SPOCK3: variants seen among roughly 807,000 people sequenced by gnomAD.
SPOCK3 encodes SPARC (osteonectin), cwcv and kazal like domains proteoglycan 3.
SPOCK3 carries 30 observed loss-of-function variants against 56.6 expected under a neutral mutation model. The ratio of observed to expected loss-of-function variants is 0.53; its 90% CI spans 0.40 to 0.72. The LOEUF is 0.72. Ranked by LOEUF, SPOCK3 falls within the 30% of genes least tolerant of loss-of-function variation. SPOCK3 has a pLI of 0.00. For synonymous variants in SPOCK3, 196 were observed against 183.3 expected (o/e 1.07, Z -0.56); for missense variants, 527 against 530.0 (o/e 0.99, Z 0.06).
chr4:166,981,484 C>G (rs1018137264), intron 4 of SPOCK3, among the ~76,000 whole-genome samples: 2 of 151,864 alleles, frequency 1.3e-5, no homozygotes, highest in Non-Finnish European at 2.9e-5. Flanking sequence ...AGAGACTCTA[C>G]GTGGGTAGCT....
chr4:166,934,422 C>T (rs1323752451), intron 4 of SPOCK3, among the ~76,000 whole-genome samples: 1 of 151,742 alleles, frequency 6.6e-6, no homozygotes, highest in African/African-American at 2.4e-5. Flanking sequence ...GGCGAGAACC[C>T]GGGAGGAGGA....
intron 4 of SPOCK3, among the ~76,000 whole-genome samples, chr4:166,932,133 A>G (rs899191608): frequency 1.3e-5 from 2 of 152,242 alleles, no homozygotes; most frequent in Non-Finnish European, 2.9e-5. Context: ...CATAGTAATA[A>G]GCCTGAAAGT....
chr4:166,946,907 C>T (rs1741831379), intron 4 of SPOCK3, among the ~76,000 whole-genome samples: 1 of 152,088 alleles, frequency 6.6e-6, no homozygotes, highest in South Asian at 2.1e-4. Context: ...CAGTACAAAA[C>T]AATCAACATC....
intron 2 of SPOCK3, among the ~76,000 whole-genome samples, chr4:167,099,462 CTTAGATCAGAGGTACGTGAAAT>C (rs1759446150): frequency 6.6e-6 from 1 of 151,718 alleles, no homozygotes; most frequent in Admixed American, 6.6e-5. Context: ...TGACAAATAA[CTTAGATCAGAGGTACGTGAAAT>C]TTAATACCTG....
intron 4 of SPOCK3, among the ~76,000 whole-genome samples, chr4:166,934,699 C>G (rs1740195218): frequency 6.6e-6 from 1 of 152,010 alleles, no homozygotes; most frequent in Non-Finnish European, 1.5e-5. Context: ...CACTCCTTTT[C>G]CATACGTCTA....
chr4:166,736,651 T>C (rs1734239530), intron 10 of SPOCK3, among the ~76,000 whole-genome samples: 1 of 152,102 alleles, frequency 6.6e-6, no homozygotes, highest in Non-Finnish European at 1.5e-5. Context: ...AGTATTTTAT[T>C]CTCATTTTTG....
chr4:167,139,483 T>C (rs1191956816), intron 2 of SPOCK3, among the ~76,000 whole-genome samples: 2 of 152,044 alleles, frequency 1.3e-5, no homozygotes, highest in Admixed American at 6.6e-5. Flanking sequence ...AATGTTATGC[T>C]AGTATGAAAT....
chr4:167,170,759 C>T (rs1003825204), intron 2 of SPOCK3, among the ~76,000 whole-genome samples: 1 of 151,998 alleles, frequency 6.6e-6, no homozygotes, highest in Non-Finnish European at 1.5e-5. Flanking sequence ...TTGTTGAAAA[C>T]CTGAAAACAC....
At chr4:166,748,290 A>T (rs1200076052) in intron 8 of SPOCK3, among the ~76,000 whole-genome samples, 2 of 137,536 alleles carry the variant, frequency 1.5e-5, no homozygotes. Flanking sequence ...AAACAGAGAT[A>T]TAGACCAGTG....
rs546970776 is a variant in SPOCK3 at position 166,741,311 on chromosome 4, C to T, written c.994+686G>A. ...TCATCGTTATTTGGCACATGCAAGA[C>T]GTTATATTTAGTGGAAGCTGGGTGA... On this transcript the variant is annotated intron_variant, in intron 9 of 10. Coordinates refer to ENST00000357545, the MANE Select transcript of SPOCK3 (RefSeq NM_001040159.2). Among the ~76,000 whole-genome samples, 7 of 152,194 alleles carry T rather than the reference C, an allele frequency of 4.6e-5. No homozygotes were observed. In the South Asian group the frequency reaches 6.2e-4, roughly 14 times the overall value.
At chr4:166,754,859 T>C in intron 7 of SPOCK3, 130 bp from the exon 8 acceptor site, 1 of 750,460 alleles carries the variant, frequency 1.3e-6, no homozygotes, top group Non-Finnish European at 2.2e-6. Flanking sequence ...GAGCATTAAA[T>C]TCATCATGAG....
chr4:166,744,008 G>A (rs1309785202), intron 8 of SPOCK3, among the ~76,000 whole-genome samples: 1 of 152,180 alleles, frequency 6.6e-6, no homozygotes, highest in Non-Finnish European at 1.5e-5. Flanking sequence ...CCCTGCCTCT[G>A]TAGACTCCAC....
intron 2 of SPOCK3, among the ~76,000 whole-genome samples, chr4:167,078,956 T>C (rs1757466559): frequency 6.6e-6 from 1 of 151,858 alleles, no homozygotes; most frequent in Non-Finnish European, 1.5e-5. Flanking sequence ...TTCTATATAA[T>C]TTTTATAAAT....
In SPOCK3 at chr4:167,207,981, T is replaced by C. The variant is rs536225654; in HGVS notation, c.189+26004A>G. On this transcript the variant is annotated intron_variant, in intron 2 of 10. Transcript: ENST00000357545. Reference sequence around the variant, plus strand: ...TTAATGCTAAGCCAAGGAAGCCTGTTGTGTAAATGGCCTTCTGAGCTTCTC... The same window carrying C: ...TTAATGCTAAGCCAAGGAAGCCTGTCGTGTAAATGGCCTTCTGAGCTTCTC... Among the ~76,000 whole-genome samples, 7 of 152,292 alleles carry C rather than the reference T, an allele frequency of 4.6e-5. No homozygotes were observed. In the South Asian group the frequency reaches 1.4e-3, roughly 32 times the overall value.
chr4:166,803,902 T>C (rs1273561036), intron 6 of SPOCK3, among the ~76,000 whole-genome samples: 2 of 152,280 alleles, frequency 1.3e-5, no homozygotes, highest in South Asian at 2.1e-4. Context: ...AAATTAACTG[T>C]AGAGTTGGTC....
chr4:167,032,655 G>A (rs1421751410), intron 3 of SPOCK3, among the ~76,000 whole-genome samples: 2 of 151,434 alleles, frequency 1.3e-5, no homozygotes, highest in African/African-American at 4.9e-5. Flanking sequence ...TAAAATACCC[G>A]AGCTTTATAA....
At chr4:167,190,481 T>C (rs1363573338) in intron 2 of SPOCK3, among the ~76,000 whole-genome samples, 3 of 146,470 alleles carry the variant, frequency 2.0e-5, no homozygotes, top group Non-Finnish European at 4.5e-5. Flanking sequence ...TTTTGGCATA[T>C]TGAGTTGCAT....
chr4:167,004,734 G>A (rs1749298345), intron 3 of SPOCK3, among the ~76,000 whole-genome samples: 1 of 152,064 alleles, frequency 6.6e-6, no homozygotes, highest in Non-Finnish European at 1.5e-5. Context: ...ATAATAGAAG[G>A]GGGAAATTGG....
chr4:166,735,549 C>T (rs1311126647), intron 10 of SPOCK3, among the ~76,000 whole-genome samples: 5 of 151,930 alleles, frequency 3.3e-5, no homozygotes, highest in African/African-American at 1.2e-4. Context: ...GAGAGATTAT[C>T]CTGAATTACC....
Sources: gnomAD v4.1 joint callset for allele counts (sites outside exome capture counted in the v4.1 genomes callset) on GRCh38, gnomAD v4.1.1 for gene constraint, MANE v1.5 for transcripts, NCBI Gene and HGNC (gene_info 2026-07-23, HGNC 2026-07-21) for gene names.